The following SUMF1 variants were observed in gnomAD, a reference collection of about 807,000 sequenced individuals.
SUMF1 encodes formylglycine-generating enzyme.
A neutral mutation model predicts 47.6 loss-of-function variants in SUMF1; 48 were observed. That is an observed-to-expected ratio of 1.01 (90% CI 0.80 to 1.28). SUMF1 has a LOEUF of 1.28. SUMF1 is among the 50% of genes most tolerant of loss of function. SUMF1 has a pLI of 0.00. For missense variants in SUMF1, 571 were observed against 485.4 expected (o/e 1.18, Z -1.66); for synonymous variants, 230 against 192.1 (o/e 1.20, Z -1.63).
At chr3:4,046,398 T>C (rs1398494944) in intron 9 of SUMF1, among the ~76,000 whole-genome samples, 1 of 152,194 alleles carries the variant, frequency 6.6e-6, no homozygotes, top group Non-Finnish European at 1.5e-5. Context: ...TAGATCTGGC[T>C]GTGAGGTTGA....
chr3:4,284,255 A>T (rs935703812), intron 8 of SUMF1, among the ~76,000 whole-genome samples: 1 of 151,850 alleles, frequency 6.6e-6, no homozygotes, highest in Non-Finnish European at 1.5e-5. Flanking sequence ...TTTCTACAAA[A>T]AAAAAAATTA....
chr3:4,280,950 C>T (rs1697517440), intron 8 of SUMF1, among the ~76,000 whole-genome samples: 1 of 151,624 alleles, frequency 6.6e-6, no homozygotes, highest in African/African-American at 2.4e-5. Flanking sequence ...TCATCTTAAC[C>T]TGATCACCTG....
chr3:4,141,803 C>T (rs1694076907), intron 8 of SUMF1, among the ~76,000 whole-genome samples: 1 of 152,126 alleles, frequency 6.6e-6, no homozygotes, highest in Admixed American at 6.5e-5. Flanking sequence ...AATCATCCAG[C>T]CTGGGGCAAT....
At chr3:4,067,379 T>A (rs1369387340) in intron 9 of SUMF1, among the ~76,000 whole-genome samples, 1 of 152,206 alleles carries the variant, frequency 6.6e-6, no homozygotes, top group Non-Finnish European at 1.5e-5. Flanking sequence ...TGTAGAACGT[T>A]GCCTTCCCAC....
chr3:4,449,153 A>C, intron 3 of SUMF1, 113 bp downstream of exon 3: 1 of 1,143,876 alleles, frequency 8.7e-7, no homozygotes, highest in Non-Finnish European at 1.3e-6. Context: ...TCAGCAGGAG[A>C]ATGGTTAGGT....
At chr3:4,127,185 A>G (rs1693673715) in intron 8 of SUMF1, among the ~76,000 whole-genome samples, 1 of 152,220 alleles carries the variant, frequency 6.6e-6, no homozygotes, top group African/African-American at 2.4e-5. Context: ...ACAAAAATGT[A>G]GTGATACCAA....
chr3:4,112,382 C>G (rs1453101833), intron 8 of SUMF1, among the ~76,000 whole-genome samples: 1 of 152,080 alleles, frequency 6.6e-6, no homozygotes, highest in African/African-American at 2.4e-5. Flanking sequence ...CTTAGTGTAC[C>G]TGGTCCCTTC....
chr3:4,399,850 T>C (rs756408041), intron 7 of SUMF1, among the ~76,000 whole-genome samples: 21 of 152,162 alleles, frequency 1.4e-4, no homozygotes, highest in Non-Finnish European at 2.9e-4. Flanking sequence ...CTCTGCCTCC[T>C]AGGTTCAAGT....
At chr3:4,170,670 T>C (rs186679085) in intron 8 of SUMF1, among the ~76,000 whole-genome samples, 1 of 152,256 alleles carries the variant, frequency 6.6e-6, no homozygotes, top group East Asian at 1.9e-4. Context: ...AGTCTGGGAT[T>C]AAACCATCAC....
intron 9 of SUMF1, among the ~76,000 whole-genome samples, chr3:4,054,798 G>A (rs1695164052): frequency 1.3e-5 from 2 of 152,158 alleles, no homozygotes; most frequent in Non-Finnish European, 1.5e-5. Flanking sequence ...ATATTGAGCT[G>A]TTAATTTGCA....
chr3:4,243,242 T>A (rs187079564), intron 8 of SUMF1, among the ~76,000 whole-genome samples: 1 of 152,292 alleles, frequency 6.6e-6, no homozygotes, highest in East Asian at 1.9e-4. Flanking sequence ...TTCTGAAAGG[T>A]TTTTTGGGTC....
chr3:4,280,202 G>C (rs970835682), intron 8 of SUMF1, among the ~76,000 whole-genome samples: 7 of 152,060 alleles, frequency 4.6e-5, no homozygotes, highest in African/African-American at 1.7e-4. Context: ...ATAATATATA[G>C]AATTTTTGTC....
intron 9 of SUMF1, among the ~76,000 whole-genome samples, chr3:4,057,115 A>T (rs1377268546): frequency 3.9e-5 from 6 of 152,188 alleles, no homozygotes; most frequent in African/African-American, 1.4e-4. Context: ...AAAAAATAAA[A>T]TGTGTTGAAA....
chr3:4,271,135 TA>T (rs762095484), intron 8 of SUMF1, among the ~76,000 whole-genome samples: 9 of 152,180 alleles, frequency 5.9e-5, no homozygotes, highest in Non-Finnish European at 8.8e-5. Flanking sequence ...ATTGTGCTAA[TA>T]CCCACCACCA....
chr3:4,244,552 A>C (rs755916670), intron 8 of SUMF1, among the ~76,000 whole-genome samples: 1 of 152,184 alleles, frequency 6.6e-6, no homozygotes, highest in Non-Finnish European at 1.5e-5. Flanking sequence ...TGGGTTGAAA[A>C]TTCTTTTCTT....
At chr3:4,075,547 A>G (rs960447506) in intron 8 of SUMF1, among the ~76,000 whole-genome samples, 2 of 152,098 alleles carry the variant, frequency 1.3e-5, no homozygotes, top group African/African-American at 4.8e-5. Flanking sequence ...AGGAAGTCAA[A>G]TTGTCTCTGT....
intron 8 of SUMF1, among the ~76,000 whole-genome samples, chr3:4,229,616 A>G (rs1159177235): frequency 6.6e-6 from 1 of 152,164 alleles, no homozygotes; most frequent in Non-Finnish European, 1.5e-5. Context: ...ATAAATTCCA[A>G]TTATTATGGG....
intron 8 of SUMF1, among the ~76,000 whole-genome samples, chr3:4,073,287 A>G (rs1692331266): frequency 6.6e-6 from 1 of 152,224 alleles, no homozygotes; most frequent in South Asian, 2.1e-4. Context: ...GCAAATGCTG[A>G]GAGATTTTGT....
chr3:4,443,316 G>A (rs1702668713), intron 3 of SUMF1, among the ~76,000 whole-genome samples: 1 of 151,820 alleles, frequency 6.6e-6, no homozygotes, highest in African/African-American at 2.4e-5. Flanking sequence ...ATGGCATGAA[G>A]AAAATGATGC....
Sources: allele counts gnomAD v4.1 joint callset (sites outside exome capture counted in the v4.1 genomes callset), GRCh38; gene constraint gnomAD v4.1.1; transcripts MANE v1.5; gene names NCBI Gene and HGNC (gene_info 2026-07-23, HGNC 2026-07-21).